The following POP1 variants were observed in gnomAD, a reference collection of about 807,000 sequenced individuals.
POP1 encodes POP1 ribonuclease P/MRP subunit.
Under a neutral mutation model 102.2 loss-of-function variants are expected in POP1, and 75 were observed. That is an observed-to-expected ratio of 0.73 (90% CI 0.61 to 0.89). The LOEUF is 0.89. Among genes scored for constraint, POP1 ranks in the 40% least tolerant of loss-of-function variants. The pLI, the probability that POP1 is intolerant of heterozygous loss-of-function variation, is 0.00. For missense variants in POP1, 1,116 were observed against 1,267.4 expected (o/e 0.88, Z 1.81); for synonymous variants, 436 against 464.1 (o/e 0.94, Z 0.78).
At chr8:98,123,939 C>A (rs918258176) in intron 2 of POP1, among the ~76,000 whole-genome samples, 5 of 152,100 alleles carry the variant, frequency 3.3e-5, no homozygotes, top group African/African-American at 1.2e-4. Context: ...TGCAAGTTTG[C>A]CTACTTGCCA....
Position 98,127,650 on chromosome 8 carries a change from G to T in POP1, c.198G>T (p.Leu66=). The change falls in exon 3 of 16, where the codon CTG becomes CTT. Residue 66 remains leucine (L), a synonymous_variant. Coordinates refer to ENST00000401707, the MANE Select transcript of POP1 (RefSeq NM_001145860.2). ...QRQTRVNPHS[L]PDPEVNEQSS... ...AAACCAGAGTCAACCCCCATTCTCT[G>T]CCTGACCCTGAAGTGAATGAGCAGT... 6.2e-7 allele frequency: 1 copy of T among 1,614,150 alleles called. No homozygotes were observed. Among genetic ancestry groups the T allele is most frequent in the Non-Finnish European group, 8.5e-7 (1 of 1,180,034 alleles).
chr8:98,156,943 C>T (rs963816100), intron 15 of POP1, among the ~76,000 whole-genome samples: 3 of 150,114 alleles, frequency 2.0e-5, no homozygotes, highest in African/African-American at 7.4e-5. Flanking sequence ...GCTCTGTCAC[C>T]CAGGCGGGAG....
chr8:98,132,145 G>A (rs1013020469), intron 5 of POP1, among the ~76,000 whole-genome samples: 3 of 152,202 alleles, frequency 2.0e-5, no homozygotes, highest in African/African-American at 7.2e-5. Context: ...ATATTAGTGA[G>A]TGCTTAATAT....
In POP1 at chr8:98,147,502, A is replaced by G. The variant is rs367980521; in HGVS notation, c.1710+819A>G. On this transcript the variant is annotated intron_variant, in intron 12 of 15. Coordinates refer to ENST00000401707, the MANE Select transcript of POP1 (RefSeq NM_001145860.2). ...ACCTTGAAGCCTTTTCAGGATTTGGACTGGAGATGTGGGACACCCTTGAAA... is the reference window on the plus strand; with the variant it reads ...ACCTTGAAGCCTTTTCAGGATTTGGGCTGGAGATGTGGGACACCCTTGAAA... 2.0e-5 allele frequency among the ~76,000 whole-genome samples: 3 copies of G among 152,130 alleles called. No individual in the cohort carries two copies. In the East Asian group the frequency reaches 5.8e-4, roughly 29 times the overall value.
At chr8:98,139,957 C>G (rs1274874502) in intron 9 of POP1, 121 bp from the exon 10 acceptor site, 2 of 797,266 alleles carry the variant, frequency 2.5e-6, no homozygotes, top group Non-Finnish European at 4.3e-6. Context: ...CTGGTTCATC[C>G]CATAACACAT....
intron 2 of POP1, among the ~76,000 whole-genome samples, chr8:98,124,368 A>G (rs543161751): frequency 3.3e-5 from 5 of 152,094 alleles, no homozygotes; most frequent in Non-Finnish European, 5.9e-5. Context: ...TCGAGACCAG[A>G]GTGGCCAACA....
rs754287651 is a variant in POP1 at position 98,134,028 on chromosome 8, T to C, written c.815T>C (p.Ile272Thr). The change falls in exon 6 of 16, where the codon ATA becomes ACA. Residue 272 changes from isoleucine to threonine, a missense_variant. By Grantham distance (89) the Ile-to-Thr change is moderately conservative. Coordinates refer to ENST00000401707, the MANE Select transcript of POP1 (RefSeq NM_001145860.2). ...AAGGCGCTTTCTGGAATGTGTAACA[T>C]AGACACAGGTAAACTTGTTTTAAAG... ...ILKALSGMCN[I>T]DTGLTFAAVH... The C allele has an allele frequency of 4.4e-6, 7 of 1,605,760 alleles. No homozygotes were observed. Among genetic ancestry groups the C allele is most frequent in the East Asian group, 2.2e-5 (1 of 44,814 alleles).
chr8:98,136,736 C>T lies in POP1; in HGVS notation c.1266C>T (p.Ile422=). Residue 422 remains isoleucine (I), a splice_region_variant and synonymous_variant, in exon 8 of 16, where the codon ATC becomes ATT. Transcript: ENST00000401707. ...SWISPTTGII[I]SDLTMEMNRF... is the part of the protein sequence containing the mutation. ...TCTCTCCAACCACAGGCATTATAATCAGGTATGAGTTGAATTTGCTTTGAA... is the reference window on the plus strand; with the variant it reads ...TCTCTCCAACCACAGGCATTATAATTAGGTATGAGTTGAATTTGCTTTGAA... 6.2e-7 allele frequency: 1 copy of T among 1,613,978 alleles called. No individual in the cohort carries two copies. Among genetic ancestry groups the T allele is most frequent in the Non-Finnish European group, 8.5e-7 (1 of 1,179,858 alleles).
At position 98,144,393 on chromosome 8, in the gene POP1, A is replaced by G. The variant is rs181974781; in HGVS notation, c.1595-2175A>G. Among the ~76,000 whole-genome samples the G allele has an allele frequency of 4.6e-3, 692 of 152,002 alleles. 7 individuals carry two copies. The highest frequency in any genetic ancestry group is 0.015 in the African/African-American group (630 of 41,430). On this transcript the variant is annotated intron_variant, in intron 11 of 15. Coordinates refer to ENST00000401707, the MANE Select transcript of POP1 (RefSeq NM_001145860.2). Reference sequence around the variant, plus strand: ...CGGGCTCAAGCGATCCTCCCACCGCAGCCCCCCAAATAGCTGGGATTACAG... The same window carrying G: ...CGGGCTCAAGCGATCCTCCCACCGCGGCCCCCCAAATAGCTGGGATTACAG...
At chr8:98,120,765 G>C (rs1455189280) in intron 1 of POP1, among the ~76,000 whole-genome samples, 3 of 151,944 alleles carry the variant, frequency 2.0e-5, no homozygotes, top group African/African-American at 7.3e-5. Flanking sequence ...TCCTGCCTCA[G>C]CCTCCCGAGT....
chr8:98,140,104 TCAC>T lies in POP1; in HGVS notation c.1391_1393del (p.His464del). The T allele has an allele frequency of 6.2e-7, 1 of 1,614,096 alleles. No individual in the cohort carries two copies. Among genetic ancestry groups the T allele is most frequent in the South Asian group, 1.1e-5 (1 of 91,082 alleles). On this transcript the variant is annotated inframe_deletion, in exon 10 of 16. Coordinates refer to ENST00000401707, the MANE Select transcript of POP1 (RefSeq NM_001145860.2). ...TGGGAGAGGACACAGAGGAGACACC[TCAC>T]CGCTGGTGGATAGAAACCTGTAAGA...
intron 12 of POP1, among the ~76,000 whole-genome samples, chr8:98,147,600 A>G (rs1809390737): frequency 2.0e-5 from 3 of 152,104 alleles, no homozygotes; most frequent in Non-Finnish European, 1.5e-5. Flanking sequence ...GGGGGTGAGG[A>G]AGCTGGAGAG....
intron 5 of POP1, among the ~76,000 whole-genome samples, chr8:98,130,776 A>T (rs573002354): frequency 6.6e-6 from 1 of 152,334 alleles, no homozygotes; most frequent in South Asian, 2.1e-4. Flanking sequence ...TCAACTGTGT[A>T]CCCTGAACAG....
intron 2 of POP1, among the ~76,000 whole-genome samples, chr8:98,124,302 C>T (rs925137261): frequency 6.6e-6 from 1 of 152,168 alleles, no homozygotes; most frequent in African/African-American, 2.4e-5. Flanking sequence ...TGGCTCACAC[C>T]TGTAATCCCA....
intron 2 of POP1, among the ~76,000 whole-genome samples, chr8:98,127,375 A>G (rs562438793): frequency 1.9e-4 from 29 of 152,300 alleles, no homozygotes; most frequent in African/African-American, 6.5e-4. Flanking sequence ...TCATCCTGAC[A>G]TGATTACCTT....
chr8:98,131,542 T>C (rs1395512230), intron 5 of POP1, among the ~76,000 whole-genome samples: 4 of 152,242 alleles, frequency 2.6e-5, no homozygotes, highest in Admixed American at 6.5e-5. Context: ...TTGGCTATTG[T>C]AAATAATGCT....
At chr8:98,142,569 G>A (rs926893975) in intron 11 of POP1, among the ~76,000 whole-genome samples, 17 of 152,080 alleles carry the variant, frequency 1.1e-4, no homozygotes, top group African/African-American at 2.7e-4. Context: ...AGTTTCTGCC[G>A]TACTAGCTGT....
At chr8:98,127,473 A>G in intron 2 of POP1, 122 bp from the exon 3 acceptor site, 1 of 1,209,992 alleles carries the variant, frequency 8.3e-7, no homozygotes, top group Non-Finnish European at 1.2e-6. Context: ...AGTAATAGCC[A>G]CCTTACAGGG....
chr8:98,144,648 A>G (rs554680545), intron 11 of POP1, among the ~76,000 whole-genome samples: 7 of 152,294 alleles, frequency 4.6e-5, no homozygotes, highest in South Asian at 2.1e-4. Context: ...GTGAGTATCA[A>G]CTATCTCTTT....
Sources: gnomAD v4.1 joint callset for allele counts (sites outside exome capture counted in the v4.1 genomes callset) on GRCh38, gnomAD v4.1.1 for gene constraint, MANE v1.5 for transcripts, NCBI Gene and HGNC (gene_info 2026-07-23, HGNC 2026-07-21) for gene names.